Variants in CDK13 observed in about 807,000 individuals in gnomAD.
The protein encoded by CDK13 is cyclin dependent kinase 13.
CDK13 carries 40 observed loss-of-function variants against 137.6 expected under a neutral mutation model. The observed-to-expected ratio is 0.29, with a 90% CI of 0.23 to 0.38. The LOEUF is 0.38. CDK13 is among the 10% of genes least tolerant of loss of function. CDK13 has a pLI of 1.00. For synonymous variants in CDK13, 869 were observed against 760.1 expected (o/e 1.14, Z -2.36); for missense variants, 1,704 against 1,951.8 (o/e 0.87, Z 2.39).
At chr7:39,994,004 A>G (rs2116295482) in intron 2 of CDK13, among the ~76,000 whole-genome samples, 1 of 152,118 alleles carries the variant, frequency 6.6e-6, no homozygotes, top group African/African-American at 2.4e-5. Context: ...ATTTTCTTGA[A>G]TGTTTATTGG....
chr7:40,014,676 G>A (rs114663507), intron 5 of CDK13, among the ~76,000 whole-genome samples: 2 of 151,692 alleles, frequency 1.3e-5, no homozygotes, highest in Admixed American at 6.6e-5. Flanking sequence ...GGCCAGTCTC[G>A]AACTCCTGGG....
chr7:40,014,058 CTTTTTTT>C (rs927741062), intron 5 of CDK13, among the ~76,000 whole-genome samples: 33 of 60,944 alleles, frequency 5.4e-4, no homozygotes, highest in Admixed American at 1.5e-3. Flanking sequence ...GCTGTCTTGT[CTTTTTTT>C]TTTTTTTTTT....
At chr7:40,045,656 G>A (rs1785720869) in intron 5 of CDK13, among the ~76,000 whole-genome samples, 180 bp from the exon 6 acceptor site, 1 of 150,180 alleles carries the variant, frequency 6.7e-6, no homozygotes, top group Non-Finnish European at 1.5e-5. Context: ...GTTTTCCTTG[G>A]GATTTATTTA....
chr7:40,089,769 T>G lies in CDK13; in HGVS notation c.3235+1438T>G, dbSNP rs551631484. 4.0e-5 allele frequency among the ~76,000 whole-genome samples: 6 copies of G among 151,132 alleles called. No individual in the cohort carries two copies. The East Asian group carries it at 1.2e-3, about 29-fold the overall frequency. On this transcript the variant is annotated intron_variant, in intron 12 of 13. Coordinates refer to ENST00000181839, the MANE Select transcript of CDK13 (RefSeq NM_003718.5). ...GTGTGTGTGTGTAGGTGGTGGCTTATTAAACATGAAAAAATAGACTAGCAC... is the reference window on the plus strand; with the variant it reads ...GTGTGTGTGTGTAGGTGGTGGCTTAGTAAACATGAAAAAATAGACTAGCAC...
At chr7:39,969,303 C>T (rs941140521) in intron 1 of CDK13, among the ~76,000 whole-genome samples, 1 of 152,206 alleles carries the variant, frequency 6.6e-6, no homozygotes, top group African/African-American at 2.4e-5. Context: ...TGAGCTACGG[C>T]ACCTAGCCTC....
At chr7:40,084,879 C>T (rs940450263) in intron 11 of CDK13, among the ~76,000 whole-genome samples, 2 of 152,144 alleles carry the variant, frequency 1.3e-5, no homozygotes, top group Non-Finnish European at 2.9e-5. Flanking sequence ...TTGCCTAAGA[C>T]ACATCAAGTA....
intron 3 of CDK13, chr7:39,998,203 C>CT (rs570146829): frequency 0.1 from 13,417 of 131,588 alleles, 1,930 homozygotes; most frequent in African/African-American, 0.32. Context: ...ACACTGGTGC[C>CT]TTTTTTTTTT....
intron 12 of CDK13, among the ~76,000 whole-genome samples, chr7:40,091,028 T>C (rs887199858): frequency 1.3e-5 from 2 of 150,278 alleles, no homozygotes; most frequent in Non-Finnish European, 3.0e-5. Flanking sequence ...CTGGCCAACA[T>C]GGCAAAACCA....
At chr7:40,085,467 C>G (rs892341797) in intron 11 of CDK13, among the ~76,000 whole-genome samples, 1 of 152,054 alleles carries the variant, frequency 6.6e-6, no homozygotes, top group African/African-American at 2.4e-5. Context: ...TCTCATGGGG[C>G]TGTCCTTCAA....
intron 5 of CDK13, among the ~76,000 whole-genome samples, chr7:40,006,445 A>G (rs572453157): frequency 1.2e-4 from 18 of 152,340 alleles, no homozygotes; most frequent in African/African-American, 4.1e-4. Context: ...GAGGATTACA[A>G]AGTTGTAGAA....
chr7:39,987,621 A>C lies in CDK13; in HGVS notation c.1234A>C (p.Arg412=), dbSNP rs371058986. 6.3e-6 allele frequency: 10 copies of C among 1,594,576 alleles called. No homozygotes were observed. In the African/African-American group the frequency reaches 1.1e-4, roughly 17 times the overall value. The change falls in exon 2 of 14, where the codon AGA becomes CGA. Residue 412 remains arginine, a synonymous_variant. Coordinates refer to ENST00000181839, the MANE Select transcript of CDK13 (RefSeq NM_003718.5). ...CAGACGGTCTGGAAAATCCCGAAGCAGAAGCCCGTATTCATCTAGGCATTC... is the reference window on the plus strand; with the variant it reads ...CAGACGGTCTGGAAAATCCCGAAGCCGAAGCCCGTATTCATCTAGGCATTC... ...VLRRSGKSRS[R]SPYSSRHSRS... is the part of the protein sequence containing the mutation.
At chr7:39,964,112 A>G (rs1425681318) in intron 1 of CDK13, among the ~76,000 whole-genome samples, 1 of 152,192 alleles carries the variant, frequency 6.6e-6, no homozygotes, top group African/African-American at 2.4e-5. Flanking sequence ...TGGCTTTGGT[A>G]TCAGGATGAT....
Position 40,096,260 on chromosome 7 carries a change from G to C in CDK13, c.*1280G>C, listed in dbSNP as rs1026546211. ...AGCAAAAAGAAAAGGCAATGAGAGA[G>C]AACTTTTATCTTCCTTCCTGTCACA... On this transcript the variant is annotated 3_prime_UTR_variant, in exon 14 of 14. Transcript: ENST00000181839. The C allele has an allele frequency of 5.3e-5, 8 of 152,162 alleles. No individual in the cohort carries two copies. The highest frequency in any genetic ancestry group is 4.4e-5 in the Non-Finnish European group (3 of 68,022). 9.4% of individuals were successfully genotyped at this position (152,162 alleles called of 1,614,324 possible). A position where few individuals can be genotyped will look rare whatever the true frequency, so the allele number is the denominator to read the frequency against.
At chr7:40,003,307 C>G (rs1784733950) in intron 5 of CDK13, among the ~76,000 whole-genome samples, 1 of 151,710 alleles carries the variant, frequency 6.6e-6, no homozygotes, top group African/African-American at 2.4e-5. Flanking sequence ...TTTGAAAGTA[C>G]AATATGGAGT....
intron 5 of CDK13, among the ~76,000 whole-genome samples, chr7:40,040,792 A>G (rs1399658737): frequency 2.0e-5 from 3 of 152,104 alleles, no homozygotes; most frequent in African/African-American, 7.2e-5. Flanking sequence ...TGACTATTAT[A>G]TGTAATATTC....
intron 5 of CDK13, among the ~76,000 whole-genome samples, chr7:40,005,382 C>T (rs953830936): frequency 4.6e-5 from 7 of 151,332 alleles, no homozygotes; most frequent in Admixed American, 1.3e-4. Flanking sequence ...CTCTGCCTCT[C>T]AGATTCAAGC....
intron 1 of CDK13, among the ~76,000 whole-genome samples, chr7:39,975,071 A>G (rs1784078045): frequency 6.6e-6 from 1 of 151,994 alleles, no homozygotes. Flanking sequence ...TGCAGAAGTC[A>G]GGAAAAAAAA....
intron 5 of CDK13, among the ~76,000 whole-genome samples, chr7:40,015,669 A>G (rs184318063): frequency 1.3e-3 from 192 of 152,310 alleles, no homozygotes; most frequent in African/African-American, 4.4e-3. Flanking sequence ...TTTGGAAGAA[A>G]TAAAAATTTT....
At chr7:40,033,278 T>C (rs1267222192) in intron 5 of CDK13, among the ~76,000 whole-genome samples, 2 of 136,914 alleles carry the variant, frequency 1.5e-5, no homozygotes, top group Non-Finnish European at 3.0e-5. Flanking sequence ...TTTGATTCTT[T>C]CTTAGAGTTT....
Sources: gnomAD v4.1 joint callset for allele counts (sites outside exome capture counted in the v4.1 genomes callset) on GRCh38, gnomAD v4.1.1 for gene constraint, MANE v1.5 for transcripts, NCBI Gene and HGNC (gene_info 2026-07-23, HGNC 2026-07-21) for gene names.